GABRG3: variants seen among roughly 807,000 people sequenced by gnomAD.
GABRG3 encodes gamma-aminobutyric acid receptor subunit gamma-3.
GABRG3 carries 25 observed loss-of-function variants against 48.8 expected under a neutral mutation model. That is an observed-to-expected ratio of 0.51 (90% CI 0.37 to 0.72). The LOEUF (loss-of-function observed/expected upper bound fraction) is 0.72, where lower values mean the gene tolerates loss of function less well. Among genes scored for constraint, GABRG3 ranks in the 30% least tolerant of loss-of-function variants. The pLI is 0.00. For missense variants in GABRG3, 394 were observed against 577.9 expected (o/e 0.68, Z 3.26); for synonymous variants, 227 against 217.6 (o/e 1.04, Z -0.38).
chr15:26,981,998 C>T (rs897313231), intron 2 of GABRG3, among the ~76,000 whole-genome samples: 1 of 152,116 alleles, frequency 6.6e-6, no homozygotes, highest in African/African-American at 2.4e-5. Flanking sequence ...AGTTGCCTCT[C>T]CTATGCAATG....
chr15:27,174,056 C>A (rs1300786962), intron 3 of GABRG3, among the ~76,000 whole-genome samples: 1 of 151,970 alleles, frequency 6.6e-6, no homozygotes, highest in African/African-American at 2.4e-5. Context: ...TCATTTTGCT[C>A]CTACATACTT....
At chr15:27,116,656 C>T (rs1169940714) in intron 3 of GABRG3, among the ~76,000 whole-genome samples, 1 of 152,210 alleles carries the variant, frequency 6.6e-6, no homozygotes. Context: ...CATGTTGAGA[C>T]TTAATCTCCA....
At chr15:27,406,222 G>A (rs1013998495) in intron 5 of GABRG3, among the ~76,000 whole-genome samples, 7 of 152,068 alleles carry the variant, frequency 4.6e-5, no homozygotes, top group African/African-American at 1.7e-4. Flanking sequence ...AAATAAATGG[G>A]GAGGGAAGAA....
chr15:27,169,024 CA>C (rs1375330647), intron 3 of GABRG3, among the ~76,000 whole-genome samples: 1 of 152,166 alleles, frequency 6.6e-6, no homozygotes, highest in African/African-American at 2.4e-5. Flanking sequence ...GCTGAGCACA[CA>C]ATAGGCATGT....
chr15:27,538,470 G>A lies in GABRG3; in HGVS notation c.*5589G>A, dbSNP rs566610798. The A allele has an allele frequency of 3.9e-5, 6 of 152,214 alleles. No homozygotes were observed. The highest frequency in any genetic ancestry group is 4.1e-4 in the South Asian group (2 of 4,832). 9.4% of individuals were successfully genotyped at this position (152,214 alleles called of 1,614,324 possible). A position where few individuals can be genotyped will look rare whatever the true frequency, so the allele number is the denominator to read the frequency against. On this transcript the variant is annotated 3_prime_UTR_variant, in exon 10 of 10. Coordinates refer to ENST00000615808, the MANE Select transcript of GABRG3 (RefSeq NM_033223.5). ...TAGCATTCAGGTTATTGAGGTGAAC[G>A]TAAATTGCTTTGCTTGAACAATTGA... is the stretch of plus-strand genomic sequence containing the variant.
chr15:27,135,946 A>G (rs1898001339), intron 3 of GABRG3, among the ~76,000 whole-genome samples: 1 of 152,110 alleles, frequency 6.6e-6, no homozygotes, highest in Non-Finnish European at 1.5e-5. Context: ...CAAAACAACA[A>G]AAAAGAGAGA....
At chr15:27,045,043 A>G (rs894438787) in intron 3 of GABRG3, among the ~76,000 whole-genome samples, 1 of 152,256 alleles carries the variant, frequency 6.6e-6, no homozygotes, top group Non-Finnish European at 1.5e-5. Flanking sequence ...TGGAATACCC[A>G]TAAAATAAAG....
At position 27,457,893 on chromosome 15, in the gene GABRG3, A is replaced by T. The variant is rs1426129354; in HGVS notation, c.575-22757A>T. On this transcript the variant is annotated intron_variant, in intron 5 of 9. Transcript: ENST00000615808. The surrounding 1 kb of genome is among the most constrained non-coding windows in gnomAD (Gnocchi z 4.4). ...GTGTTCTCCTGACTCCACATCTTTA[A>T]ACAAAGCTTCCAGGCTCCAGGGCTT... Among the ~76,000 whole-genome samples, 1 of 152,134 alleles carries T rather than the reference A, an allele frequency of 6.6e-6. No individual in the cohort carries two copies. The highest frequency in any genetic ancestry group is 1.5e-5 in the Non-Finnish European group (1 of 68,016).
intron 3 of GABRG3, among the ~76,000 whole-genome samples, chr15:27,198,868 C>T (rs1180950361): frequency 6.6e-6 from 1 of 152,012 alleles, no homozygotes; most frequent in Non-Finnish European, 1.5e-5. Flanking sequence ...AGCTGGAAAC[C>T]ATCATTCTCA....
intron 3 of GABRG3, among the ~76,000 whole-genome samples, chr15:27,223,497 ATAAATATT>A (rs1889515523): frequency 6.6e-6 from 1 of 152,168 alleles, no homozygotes; most frequent in South Asian, 2.1e-4. Flanking sequence ...TTAAAAACTC[ATAAATATT>A]TATGTGGGAC....
chr15:27,513,319 G>A (rs1460242499), intron 6 of GABRG3, among the ~76,000 whole-genome samples: 1 of 151,914 alleles, frequency 6.6e-6, no homozygotes, highest in African/African-American at 2.4e-5. Flanking sequence ...GCGTGGTGGT[G>A]GGCGCCTGTA....
intron 5 of GABRG3, among the ~76,000 whole-genome samples, chr15:27,440,501 G>A (rs8036308): frequency 0.017 from 2,659 of 152,198 alleles, 93 homozygotes; most frequent in African/African-American, 0.061. Flanking sequence ...GATGCCATCC[G>A]GAATATCAAA....
intron 3 of GABRG3, among the ~76,000 whole-genome samples, chr15:27,072,729 C>T (rs1170567944): frequency 1.3e-5 from 2 of 152,134 alleles, no homozygotes; most frequent in Non-Finnish European, 2.9e-5. Context: ...TCCATACCAC[C>T]CACCATGAGG....
chr15:27,234,383 A>G lies in GABRG3; in HGVS notation c.271-92426A>G, dbSNP rs8042288. 2.5e-3 allele frequency among the ~76,000 whole-genome samples: 382 copies of G among 152,264 alleles called. 1 individual carries two copies. Among genetic ancestry groups the G allele is most frequent in the African/African-American group, 8.6e-3 (356 of 41,558 alleles). Reference sequence around the variant, plus strand: ...TGTTTGACTGGTGATCTTTGGAGGTACATTTAGAGTCTCTGGGCCTCCGTC... The same window carrying G: ...TGTTTGACTGGTGATCTTTGGAGGTGCATTTAGAGTCTCTGGGCCTCCGTC... On this transcript the variant is annotated intron_variant, in intron 3 of 9. Transcript: ENST00000615808.
intron 3 of GABRG3, among the ~76,000 whole-genome samples, chr15:27,308,261 TATATAAACATAATATAAACATAC>T (rs1396154186): frequency 1.1e-4 from 16 of 140,282 alleles, no homozygotes; most frequent in African/African-American, 1.9e-4. Context: ...CATACGTTTA[TATATAAACATAATATAAACATAC>T]GTTTATATAT....
intron 2 of GABRG3, among the ~76,000 whole-genome samples, chr15:27,009,036 C>T (rs1595469791): frequency 2.0e-5 from 3 of 152,220 alleles, no homozygotes; most frequent in Admixed American, 1.3e-4. Context: ...GGGGACAGGA[C>T]GGTAGGCTCT....
At position 27,319,222 on chromosome 15, in the gene GABRG3, GA is replaced by G. The variant is rs909756368; in HGVS notation, c.271-7580del. Among the ~76,000 whole-genome samples the G allele has an allele frequency of 1.6e-4, 24 of 152,198 alleles. No individual in the cohort carries two copies. The highest frequency in any genetic ancestry group is 3.3e-4 in the Admixed American group (5 of 15,286). On this transcript the variant is annotated intron_variant, in intron 3 of 9. Transcript: ENST00000615808. The surrounding 1 kb of genome is among the most constrained non-coding windows in gnomAD (Gnocchi z 4.4). ...AATTCTAGCTCAGTAAAGCCAGGGG[GA>G]AAAAAATGTCTGAAACCAACAAGGG...
chr15:27,069,319 A>G (rs1256611936), intron 3 of GABRG3, among the ~76,000 whole-genome samples: 1 of 152,194 alleles, frequency 6.6e-6, no homozygotes, highest in Non-Finnish European at 1.5e-5. Context: ...GGAGCACTGG[A>G]CATAGAGGCA....
intron 5 of GABRG3, among the ~76,000 whole-genome samples, chr15:27,397,885 A>G (rs1887359431): frequency 6.6e-6 from 1 of 150,746 alleles, no homozygotes. Flanking sequence ...GCTCACTGCA[A>G]GCTCCGCCTC....
Sources: allele counts gnomAD v4.1 joint callset (sites outside exome capture counted in the v4.1 genomes callset), GRCh38; gene constraint gnomAD v4.1.1; non-coding constraint Gnocchi (gnomAD v3.1); transcripts MANE v1.5; gene names NCBI Gene and HGNC (gene_info 2026-07-23, HGNC 2026-07-21).